Variants in DIAPH3 observed in about 807,000 individuals in gnomAD.
The protein encoded by DIAPH3 is diaphanous related formin 3, also known as protein diaphanous homolog 3.
In DIAPH3, 117 loss-of-function variants were observed where a neutral mutation model predicts 144.3. The ratio of observed to expected loss-of-function variants is 0.81; its 90% CI spans 0.70 to 0.95. DIAPH3 has a LOEUF of 0.95. DIAPH3 is among the 40% of genes least tolerant of loss of function. The pLI is 0.00. For synonymous variants in DIAPH3, 519 were observed against 488.9 expected, an observed-to-expected ratio of 1.06 and a Z score of -0.81; for missense variants, 1,421 against 1,412.7, an observed-to-expected ratio of 1.01 and a Z score of -0.09.
At chr13:59,914,421 A>C (rs549981045) in intron 19 of DIAPH3, among the ~76,000 whole-genome samples, 1 of 152,336 alleles carries the variant, frequency 6.6e-6, no homozygotes, top group East Asian at 1.9e-4. Flanking sequence ...TATATTTAGA[A>C]AGTATGATAG....
At chr13:59,724,291 C>T (rs754856972) in intron 27 of DIAPH3, among the ~76,000 whole-genome samples, 1 of 152,094 alleles carries the variant, frequency 6.6e-6, no homozygotes, top group African/African-American at 2.4e-5. Context: ...AGAAAAAACT[C>T]GTGTGTGAAC....
At chr13:59,727,969 T>A (rs1481752656) in intron 27 of DIAPH3, among the ~76,000 whole-genome samples, 1 of 151,940 alleles carries the variant, frequency 6.6e-6, no homozygotes, top group East Asian at 1.9e-4. Flanking sequence ...GGGCCTGGGA[T>A]ACCTTGTTGT....
intron 21 of DIAPH3, among the ~76,000 whole-genome samples, chr13:59,877,941 G>C (rs1162125404): frequency 6.6e-6 from 1 of 151,978 alleles, no homozygotes; most frequent in Admixed American, 6.6e-5. Flanking sequence ...ATTTCTCTCT[G>C]AATATCTAAC....
rs529996961 is a variant in DIAPH3 at position 60,142,684 on chromosome 13, C to A, written c.181-9695G>T. On this transcript the variant is annotated intron_variant, in intron 1 of 27. Coordinates refer to ENST00000400324, the MANE Select transcript of DIAPH3 (RefSeq NM_001042517.2). ...CCTCCAGCTCCTACCATCAGGGACT[C>A]TTTCCCTTCCTGCAGTTAATAATCT... 9.8e-5 allele frequency among the ~76,000 whole-genome samples: 15 copies of A among 152,300 alleles called. No individual in the cohort carries two copies. In the South Asian group the frequency reaches 3.1e-3, roughly 32 times the overall value.
At chr13:59,858,457 G>A (rs1426537043) in intron 22 of DIAPH3, among the ~76,000 whole-genome samples, 1 of 152,132 alleles carries the variant, frequency 6.6e-6, no homozygotes, top group African/African-American at 2.4e-5. Context: ...ATGAGTTACA[G>A]ACTGAACTAG....
intron 2 of DIAPH3, among the ~76,000 whole-genome samples, chr13:60,126,398 G>A (rs149569770): frequency 3.1e-4 from 47 of 152,166 alleles, no homozygotes; most frequent in South Asian, 1.0e-3. Flanking sequence ...ATTTTAAAAC[G>A]TCATTTATTA....
At chr13:59,715,611 T>TAA (rs1185593638) in intron 27 of DIAPH3, among the ~76,000 whole-genome samples, 2 of 146,030 alleles carry the variant, frequency 1.4e-5, no homozygotes, top group Admixed American at 1.4e-4. Context: ...TTCTTTAGAG[T>TAA]AAAAAAAAAA....
intron 21 of DIAPH3, among the ~76,000 whole-genome samples, chr13:59,876,218 A>G (rs2044618614): frequency 6.6e-6 from 1 of 152,204 alleles, no homozygotes; most frequent in Admixed American, 6.5e-5. Context: ...ATTGTCAAAG[A>G]TCAAGCTGCT....
intron 20 of DIAPH3, among the ~76,000 whole-genome samples, chr13:59,902,173 C>T (rs1356399479): frequency 6.6e-6 from 1 of 151,980 alleles, no homozygotes; most frequent in Non-Finnish European, 1.5e-5. Context: ...GGATTTGAGC[C>T]CCCATCCAAA....
At chr13:60,146,047 C>CTTT (rs71197283) in intron 1 of DIAPH3, among the ~76,000 whole-genome samples, 114,633 of 151,706 alleles carry the variant, frequency 0.76, 43,454 homozygotes, top group Admixed American at 0.81. Context: ...TTTAATACTA[C>CTTT]TTATTACACC....
Position 59,992,600 on chromosome 13 carries a change from A to T in DIAPH3, c.1015-17T>A, listed in dbSNP as rs758581834. The T allele has an allele frequency of 6.3e-7, 1 of 1,587,190 alleles. No homozygotes were observed. Among genetic ancestry groups the T allele is most frequent in the Admixed American group, 1.7e-5 (1 of 59,674 alleles). On this transcript the variant is annotated splice_polypyrimidine_tract_variant and intron_variant, in intron 9 of 27. Coordinates refer to ENST00000400324, the MANE Select transcript of DIAPH3 (RefSeq NM_001042517.2). ...ACAAGCTACCTACAAGAGATCAAACAGTGAGACAGACTGGGTTTCCAACAT... is the reference window on the plus strand; with the variant it reads ...ACAAGCTACCTACAAGAGATCAAACTGTGAGACAGACTGGGTTTCCAACAT...
chr13:59,796,643 C>A (rs1212665409), intron 25 of DIAPH3, among the ~76,000 whole-genome samples: 7 of 152,214 alleles, frequency 4.6e-5, no homozygotes, highest in African/African-American at 1.4e-4. Context: ...TTCACCATAT[C>A]AGTAACTTTT....
At chr13:59,891,954 G>C (rs2045826611) in intron 20 of DIAPH3, among the ~76,000 whole-genome samples, 1 of 151,834 alleles carries the variant, frequency 6.6e-6, no homozygotes, top group Non-Finnish European at 1.5e-5. Flanking sequence ...AATATTTATT[G>C]AACCCTTATT....
chr13:59,671,961 TA>T (rs1313540331), intron 27 of DIAPH3, among the ~76,000 whole-genome samples: 2 of 152,110 alleles, frequency 1.3e-5, no homozygotes, highest in Non-Finnish European at 1.5e-5. Flanking sequence ...AAAGAAAGCT[TA>T]AAAAAACTCA....
intron 5 of DIAPH3, among the ~76,000 whole-genome samples, chr13:60,032,394 T>C (rs1329441459): frequency 6.6e-6 from 1 of 152,210 alleles, no homozygotes; most frequent in Non-Finnish European, 1.5e-5. Context: ...AGCAGTGTTC[T>C]ACCTGGACAC....
intron 25 of DIAPH3, among the ~76,000 whole-genome samples, chr13:59,790,871 C>A (rs1426874930): frequency 6.6e-6 from 1 of 152,134 alleles, no homozygotes; most frequent in Non-Finnish European, 1.5e-5. Flanking sequence ...ACTCCCTCCC[C>A]CCGCTCCACA....
At chr13:60,134,297 G>C (rs1442923282) in intron 1 of DIAPH3, among the ~76,000 whole-genome samples, 1 of 152,152 alleles carries the variant, frequency 6.6e-6, no homozygotes, top group Admixed American at 6.5e-5. Flanking sequence ...ATTAACTAAG[G>C]GTTAGTATCT....
chr13:59,938,718 G>A (rs933220438), intron 17 of DIAPH3, among the ~76,000 whole-genome samples: 5 of 152,158 alleles, frequency 3.3e-5, no homozygotes, highest in African/African-American at 1.2e-4. Flanking sequence ...AGTAGTATAA[G>A]GAGGTGAGGT....
intron 24 of DIAPH3, among the ~76,000 whole-genome samples, chr13:59,823,294 T>C (rs1481361414): frequency 2.6e-5 from 4 of 152,196 alleles, no homozygotes; most frequent in Non-Finnish European, 5.9e-5. Context: ...CTATCAGAAT[T>C]AAATTATTTT....
Sources: gnomAD v4.1 joint callset for allele counts (sites outside exome capture counted in the v4.1 genomes callset) on GRCh38, gnomAD v4.1.1 for gene constraint, MANE v1.5 for transcripts, NCBI Gene and HGNC (gene_info 2026-07-23, HGNC 2026-07-21) for gene names.